Variants in PRKCH observed in about 807,000 individuals in gnomAD.
PRKCH encodes protein kinase C eta.
In PRKCH, 28 loss-of-function variants were observed where a neutral mutation model predicts 82.5. That is an observed-to-expected ratio of 0.34 (90% CI 0.25 to 0.47). The LOEUF (loss-of-function observed/expected upper bound fraction) is 0.47, where lower values mean the gene tolerates loss of function less well. Among genes scored for constraint, PRKCH ranks in the 20% least tolerant of loss-of-function variants. PRKCH has a pLI of 1.00. For synonymous variants in PRKCH, 322 were observed against 327.4 expected (o/e 0.98, Z 0.18); for missense variants, 705 against 881.8 (o/e 0.80, Z 2.54).
chr14:61,374,815 G>A (rs1167336161), intron 1 of PRKCH, among the ~76,000 whole-genome samples: 1 of 151,968 alleles, frequency 6.6e-6, no homozygotes, highest in East Asian at 1.9e-4. Flanking sequence ...GAAGATCTTG[G>A]AAATGCCCTG....
At chr14:61,203,037 A>G (rs978660451) in intron 1 of PRKCH, among the ~76,000 whole-genome samples, 25 of 151,812 alleles carry the variant, frequency 1.6e-4, no homozygotes, top group Admixed American at 1.3e-4. Context: ...TCTCCCCCTA[A>G]TTGATTTTTT....
At chr14:61,381,162 C>T (rs914933690) in intron 1 of PRKCH, among the ~76,000 whole-genome samples, 4 of 152,070 alleles carry the variant, frequency 2.6e-5, no homozygotes, top group Non-Finnish European at 4.4e-5. Flanking sequence ...TTTGAGATGC[C>T]GAAGCCAGGT....
At chr14:61,393,017 C>T (rs761170912) in intron 2 of PRKCH, among the ~76,000 whole-genome samples, 16 of 152,018 alleles carry the variant, frequency 1.1e-4, no homozygotes, top group Non-Finnish European at 2.2e-4. Context: ...CCTTGAATCA[C>T]CCTGGAACCT....
At chr14:61,536,161 T>C (rs1313424482) in intron 12 of PRKCH, among the ~76,000 whole-genome samples, 1 of 133,644 alleles carries the variant, frequency 7.5e-6, no homozygotes, top group African/African-American at 2.6e-5. Context: ...GTTCCTGGCC[T>C]GGGAGTCTAT....
chr14:61,531,435 A>G (rs7150446), intron 12 of PRKCH, among the ~76,000 whole-genome samples: 10,914 of 152,286 alleles, frequency 0.072, 1,204 homozygotes, highest in African/African-American at 0.24. Flanking sequence ...CTTAAGTTAT[A>G]TCCTTTCAGT....
In PRKCH at chr14:61,241,094, G is replaced by A. The variant is rs139740591; in HGVS notation, c.-19+53426G>A. Among the ~76,000 whole-genome samples the A allele has an allele frequency of 1.1e-4, 17 of 152,216 alleles. No individual in the cohort carries two copies. The East Asian group carries it at 1.2e-3, about 10-fold the overall frequency. On this transcript the variant is annotated intron_variant, in intron 1 of 3. Coordinates refer to the PRKCH transcript ENST00000555185. Reference sequence around the variant, plus strand: ...TGGGATAAGTCAGGATTCCCACAACGCCCTCCTTGAATTCAATTAATTTGC... The same window carrying A: ...TGGGATAAGTCAGGATTCCCACAACACCCTCCTTGAATTCAATTAATTTGC...
Position 61,238,737 on chromosome 14 carries a change from C to T in PRKCH, c.-19+51069C>T, listed in dbSNP as rs557562135. 4.1e-5 allele frequency among the ~76,000 whole-genome samples: 6 copies of T among 147,430 alleles called. No individual in the cohort carries two copies. The South Asian group carries it at 1.3e-3, about 32-fold the overall frequency. On this transcript the variant is annotated intron_variant, in intron 1 of 3. Coordinates refer to the PRKCH transcript ENST00000555185. ...TCCACCTTCCTGGAAAGTTCTTTTA[C>T]TCTCTTCTCTGTCTTTTCCCCATTC...
intron 1 of PRKCH, among the ~76,000 whole-genome samples, chr14:61,227,482 G>A (rs1032741359): frequency 3.3e-4 from 50 of 152,008 alleles, no homozygotes; most frequent in Admixed American, 3.0e-3. Context: ...TAGTCCCAGC[G>A]ACTCGGGAGG....
chr14:61,549,799 T>A lies in PRKCH; in HGVS notation c.2020T>A (p.Phe674Ile). The A allele has an allele frequency of 6.2e-7, 1 of 1,613,974 alleles. No homozygotes were observed. Among genetic ancestry groups the A allele is most frequent in the Non-Finnish European group, 8.5e-7 (1 of 1,179,990 alleles). Residue 674 changes from phenylalanine to isoleucine, a missense_variant, in exon 14 of 14, where the codon TTT becomes ATT. Physicochemically the swap from Phe to Ile is conservative, Grantham distance 21. Around this residue, in one of 5 missense-constraint regions of PRKCH, gnomAD observed 91 missense variants for 81.2 expected, o/e 1.12. Transcript: ENST00000332981. The stretch of plus-strand genomic sequence containing the variant: ...GATTAACCAGGATGAGTTTAGAAAC[T>A]TTTCCTATGTGTCTCCAGAATTGCA... ...PMINQDEFRN[F>I]SYVSPELQP
chr14:61,219,229 G>A (rs1016448439), intron 1 of PRKCH, among the ~76,000 whole-genome samples: 1 of 152,218 alleles, frequency 6.6e-6, no homozygotes, highest in African/African-American at 2.4e-5. Context: ...TGTGGTAGTT[G>A]TGTATTATTA....
At chr14:61,231,981 G>C (rs566599523) in intron 1 of PRKCH, among the ~76,000 whole-genome samples, 3 of 152,166 alleles carry the variant, frequency 2.0e-5, no homozygotes, top group Non-Finnish European at 4.4e-5. Flanking sequence ...ATTTCAACTT[G>C]ACACTCTCTA....
chr14:61,513,082 C>G (rs186963644), intron 10 of PRKCH, among the ~76,000 whole-genome samples: 1 of 152,106 alleles, frequency 6.6e-6, no homozygotes, highest in Non-Finnish European at 1.5e-5. Flanking sequence ...AAAGGAACAG[C>G]GCAATGGGAT....
intron 1 of PRKCH, among the ~76,000 whole-genome samples, chr14:61,220,261 A>G (rs2044645586): frequency 6.6e-6 from 1 of 152,204 alleles, no homozygotes; most frequent in African/African-American, 2.4e-5. Context: ...CAGGGAGCAC[A>G]GTCTTCCTAG....
At chr14:61,398,537 A>G (rs1035356086) in intron 2 of PRKCH, among the ~76,000 whole-genome samples, 1 of 152,208 alleles carries the variant, frequency 6.6e-6, no homozygotes, top group Non-Finnish European at 1.5e-5. Flanking sequence ...GGGAACCACA[A>G]ACTTAAATGG....
At chr14:61,514,454 C>A (rs1594777449) in intron 10 of PRKCH, among the ~76,000 whole-genome samples, 1 of 152,146 alleles carries the variant, frequency 6.6e-6, no homozygotes, top group Middle Eastern at 3.4e-3. Flanking sequence ...GACGCCTGGT[C>A]TGGGGTGGAC....
intron 2 of PRKCH, among the ~76,000 whole-genome samples, chr14:61,424,693 A>C (rs1294909343): frequency 3.3e-5 from 5 of 152,254 alleles, no homozygotes; most frequent in Non-Finnish European, 2.9e-5. Context: ...GGCTGCAGAA[A>C]TTTGCGTAAG....
intron 10 of PRKCH, among the ~76,000 whole-genome samples, chr14:61,489,200 C>T (rs989085498): frequency 2.6e-5 from 4 of 152,160 alleles, no homozygotes; most frequent in African/African-American, 9.7e-5. Context: ...ATACATGTCC[C>T]AGAACGCCCT....
At chr14:61,538,755 TTTTG>T (rs1391192791) in intron 12 of PRKCH, among the ~76,000 whole-genome samples, 2 of 152,248 alleles carry the variant, frequency 1.3e-5, no homozygotes. Context: ...CTTTGTTGTT[TTTTG>T]TTTGTTTGTC....
chr14:61,448,414 T>C (rs1447920269), intron 4 of PRKCH, among the ~76,000 whole-genome samples: 1 of 152,186 alleles, frequency 6.6e-6, no homozygotes, highest in African/African-American at 2.4e-5. Context: ...ATTTCAACAG[T>C]TGATTAAGCC....
Sources: allele counts gnomAD v4.1 joint callset (sites outside exome capture counted in the v4.1 genomes callset), GRCh38; gene constraint gnomAD v4.1.1; regional missense constraint gnomAD v4.1.1; transcripts MANE v1.5; gene names NCBI Gene and HGNC (gene_info 2026-07-23, HGNC 2026-07-21).